The following SMARCC1 variants were observed in gnomAD, a reference collection of about 807,000 sequenced individuals.
SMARCC1 encodes SWI/SNF complex subunit SMARCC1.
A neutral mutation model predicts 147.4 loss-of-function variants in SMARCC1; 43 were observed. The observed-to-expected ratio is 0.29, with a 90% CI of 0.23 to 0.38. The LOEUF is 0.38. Among genes scored for constraint, SMARCC1 ranks in the 10% least tolerant of loss-of-function variants. The pLI is 1.00. For missense variants in SMARCC1, 1,119 were observed against 1,381.1 expected, an observed-to-expected ratio of 0.81 and a Z score of 3.01; for synonymous variants, 495 against 484.4, an observed-to-expected ratio of 1.02 and a Z score of -0.29.
In SMARCC1 at chr3:47,588,373, C is replaced by T. The variant is rs905773188; in HGVS notation, c.3221-67G>A. Reference sequence around the variant, plus strand: ...CAAGAGACTCAGGAAAGAGCCTATTCAGTGAAAAAAAGACACAGAAGTCCT... The same window carrying T: ...CAAGAGACTCAGGAAAGAGCCTATTTAGTGAAAAAAAGACACAGAAGTCCT... On this transcript the variant is annotated intron_variant, in intron 27 of 27. Transcript: ENST00000254480. 4 of 1,468,680 alleles carry T rather than the reference C, an allele frequency of 2.7e-6. No homozygotes were observed. The African/African-American group carries it at 5.6e-5, about 21-fold the overall frequency. The allele number at this position is 1,468,680 out of a possible 1,614,324, so 91.0% of individuals were successfully genotyped here. A position where few individuals can be genotyped will look rare whatever the true frequency, so the allele number is the denominator to read the frequency against.
rs533501996 is a variant in SMARCC1, at chr3:47,632,659, A to C, written c.2646+2531T>G. On this transcript the variant is annotated intron_variant, in intron 24 of 27. Coordinates refer to ENST00000254480, the MANE Select transcript of SMARCC1 (RefSeq NM_003074.4). ...AAACCCAGTCTCTACAAAAAAATTT[A>C]AAGAGGAGAAATAATAGGAAGAAAA... is the stretch of plus-strand genomic sequence containing the variant. 9.2e-5 allele frequency among the ~76,000 whole-genome samples: 14 copies of C among 152,232 alleles called. No homozygotes were observed. The South Asian group carries it at 2.9e-3, about 32-fold the overall frequency.
intron 24 of SMARCC1, among the ~76,000 whole-genome samples, chr3:47,633,779 TACACACACACACACACACACACAC>T (rs149363143): frequency 3.5e-5 from 1 of 28,864 alleles, no homozygotes; most frequent in Non-Finnish European, 6.9e-5. Context: ...TATATATATA[TACACACACACACACACACACACAC>T]ACACACACAC....
At chr3:47,707,015 A>G (rs2034001645) in intron 9 of SMARCC1, among the ~76,000 whole-genome samples, 2 of 152,242 alleles carry the variant, frequency 1.3e-5, no homozygotes, top group African/African-American at 4.8e-5. Context: ...AACATGATTT[A>G]AAGTCAATGT....
At chr3:47,758,826 G>C (rs1400628065) in intron 2 of SMARCC1, among the ~76,000 whole-genome samples, 1 of 151,996 alleles carries the variant, frequency 6.6e-6, no homozygotes, top group Non-Finnish European at 1.5e-5. Context: ...CTGAGGTCAG[G>C]AGTTTGAGAC....
intron 21 of SMARCC1, among the ~76,000 whole-genome samples, chr3:47,652,640 A>AC (rs2033204189): frequency 1.3e-5 from 2 of 151,184 alleles, no homozygotes; most frequent in Admixed American, 1.3e-4. Context: ...AAAAAAAAAA[A>AC]GTTACTTCCT....
Position 47,717,534 on chromosome 3 carries a change from G to C in SMARCC1, c.717-3044C>G, listed in dbSNP as rs866509931. Among the ~76,000 whole-genome samples the C allele has an allele frequency of 2.0e-5, 3 of 152,182 alleles. No individual in the cohort carries two copies. In the East Asian group the frequency reaches 5.8e-4, roughly 29 times the overall value. On this transcript the variant is annotated intron_variant, in intron 7 of 27. Transcript: ENST00000254480. ...TCAAACAACTATCAATCAATCAATC[G>C]TGTCATTTAATTGACAACATTGACT...
chr3:47,660,818 C>G (rs1406008612), intron 21 of SMARCC1, among the ~76,000 whole-genome samples: 2 of 152,012 alleles, frequency 1.3e-5, no homozygotes, highest in Non-Finnish European at 2.9e-5. Flanking sequence ...GATAGACACA[C>G]AGCATTGTAA....
chr3:47,756,401 C>T (rs767448157), intron 2 of SMARCC1, among the ~76,000 whole-genome samples: 2 of 151,762 alleles, frequency 1.3e-5, no homozygotes, highest in East Asian at 1.9e-4. Flanking sequence ...GGCATGGTGG[C>T]GCATGCCTGT....
rs1209092577 is a variant in SMARCC1, at chr3:47,781,837, C to A, written c.-40G>T. 7 of 1,285,674 alleles carry A rather than the reference C, an allele frequency of 5.4e-6. No individual in the cohort carries two copies. The highest frequency in any genetic ancestry group is 2.4e-4 in the Middle Eastern group (1 of 4,104). The allele number at this position is 1,285,674 out of a possible 1,614,324, so 79.6% of individuals were successfully genotyped here. On this transcript the variant is annotated 5_prime_UTR_variant, in exon 1 of 28. Coordinates refer to ENST00000254480, the MANE Select transcript of SMARCC1 (RefSeq NM_003074.4). ...GTCCCCACAGCCTGGCCCACCCCGG[C>A]CCTCGCGGTGTTTCCCGGTCGTTCC...
Position 47,662,498 on chromosome 3 carries a change from G to C in SMARCC1, c.1994C>G (p.Pro665Arg). The change falls in exon 20 of 28, where the codon CCC becomes CGC. Residue 665 changes from proline to arginine, a missense_variant. Pro to Arg is a moderately radical substitution (Grantham distance 103). This residue lies in a region of SMARCC1 where 178 missense variants were observed against 264.6 expected (regional missense o/e 0.67). Transcript: ENST00000254480. ...DECILHFLRL[P>R]IEDPYLENSD... ...ATTCTCAAGGTATGGGTCCTCAATG[G>C]GAAGTCTCAAAAAGTGGAGGATGCA... 1 of 1,614,042 alleles carries C rather than the reference G, an allele frequency of 6.2e-7. No homozygotes were observed. The highest frequency in any genetic ancestry group is 8.5e-7 in the Non-Finnish European group (1 of 1,179,986).
At chr3:47,595,217 TA>T (rs985849562) in intron 26 of SMARCC1, among the ~76,000 whole-genome samples, 23 of 152,088 alleles carry the variant, frequency 1.5e-4, no homozygotes, top group African/African-American at 2.7e-4. Context: ...GTGTACGGGT[TA>T]AAAAAAATTT....
At chr3:47,608,113 A>C (rs983885749) in intron 26 of SMARCC1, among the ~76,000 whole-genome samples, 1 of 152,190 alleles carries the variant, frequency 6.6e-6, no homozygotes, top group Non-Finnish European at 1.5e-5. Context: ...ACTGAGACAC[A>C]GTCTCGCTCT....
chr3:47,706,555 G>GT (rs2033997514), intron 9 of SMARCC1, 25 bp from the exon 10 acceptor site: 1 of 1,521,720 alleles, frequency 6.6e-7, no homozygotes, highest in Admixed American at 2.3e-5. Context: ...ATGGAAATAA[G>GT]TATCAGCTAT....
At chr3:47,632,069 GA>G (rs1449107578) in intron 24 of SMARCC1, among the ~76,000 whole-genome samples, 1 of 152,204 alleles carries the variant, frequency 6.6e-6, no homozygotes, top group Non-Finnish European at 1.5e-5. Flanking sequence ...ACGAGGGAGT[GA>G]AAGTTCAATG....
chr3:47,663,209 GGGGAGGAAGGAAGGAAGGAA>G (rs2033374006), intron 19 of SMARCC1, among the ~76,000 whole-genome samples: 1 of 34,914 alleles, frequency 2.9e-5, no homozygotes, highest in Admixed American at 3.1e-4. Flanking sequence ...GGGGAGGGGA[GGGGAGGAAGGAAGGAAGGAA>G]GGAAGGAAGG....
intron 11 of SMARCC1, among the ~76,000 whole-genome samples, chr3:47,698,662 A>G (rs1321093915): frequency 1.3e-5 from 2 of 152,164 alleles, no homozygotes; most frequent in Non-Finnish European, 2.9e-5. Context: ...CTAATAAAAC[A>G]TACAAACCAC....
intron 21 of SMARCC1, among the ~76,000 whole-genome samples, chr3:47,650,217 A>C (rs558465919): frequency 6.6e-6 from 1 of 151,408 alleles, no homozygotes; most frequent in African/African-American, 2.4e-5. Context: ...CGGAGCTTGC[A>C]GTGAGCGGAG....
chr3:47,762,833 G>T (rs1438411620), intron 2 of SMARCC1, among the ~76,000 whole-genome samples: 2 of 152,160 alleles, frequency 1.3e-5, no homozygotes, highest in South Asian at 4.1e-4. Context: ...TTGGGAGGCC[G>T]AGGCGGGCAG....
Position 47,600,451 on chromosome 3 carries a change from T to A in SMARCC1, c.3044-9614A>T, listed in dbSNP as rs1174778348. Among the ~76,000 whole-genome samples the A allele has an allele frequency of 2.6e-5, 4 of 152,166 alleles. No homozygotes were observed. In the South Asian group the frequency reaches 8.3e-4, roughly 32 times the overall value. The stretch of plus-strand genomic sequence containing the variant: ...ACCGTGCCAGGTGATTTGACAGTTA[T>A]CTCTCTGAAGTCTCCAGGTTGTTAG... On this transcript the variant is annotated intron_variant, in intron 26 of 27. Coordinates refer to ENST00000254480, the MANE Select transcript of SMARCC1 (RefSeq NM_003074.4).
Sources: allele counts gnomAD v4.1 joint callset (sites outside exome capture counted in the v4.1 genomes callset), GRCh38; gene constraint gnomAD v4.1.1; regional missense constraint gnomAD v4.1.1; transcripts MANE v1.5; gene names NCBI Gene and HGNC (gene_info 2026-07-23, HGNC 2026-07-21).